MYO16: variants seen among roughly 807,000 people sequenced by gnomAD.
The protein encoded by MYO16 is unconventional myosin-XVI.
In MYO16, 94 loss-of-function variants were observed where a neutral mutation model predicts 205.3. The ratio of observed to expected loss-of-function variants is 0.46; its 90% confidence interval spans 0.39 to 0.54. The LOEUF is 0.54. Among genes scored for constraint, MYO16 ranks in the 20% least tolerant of loss-of-function variants. The probability of loss-of-function intolerance (pLI) is 0.00; values close to 1 mark genes in which losing one functional copy is unlikely to be tolerated. For synonymous variants in MYO16, 988 were observed against 954.0 expected, an observed-to-expected ratio of 1.04 and a Z score of -0.66; for missense variants, 2,315 against 2,387.5, an observed-to-expected ratio of 0.97 and a Z score of 0.63.
chr13:109,054,291 T>A (rs1238920963), intron 25 of MYO16: 1 of 403,228 alleles, frequency 2.5e-6, no homozygotes, highest in Non-Finnish European at 5.0e-6. Context: ...TAGAGTCTAC[T>A]ACCATTTTTT....
intron 4 of MYO16, among the ~76,000 whole-genome samples, chr13:108,782,082 G>A (rs1465052231): frequency 1.3e-5 from 2 of 152,192 alleles, no homozygotes; most frequent in Non-Finnish European, 2.9e-5. Context: ...AGCAACTTTG[G>A]AACTGGGTAA....
At chr13:109,093,907 C>T (rs1425252767) in intron 27 of MYO16, among the ~76,000 whole-genome samples, 1 of 152,148 alleles carries the variant, frequency 6.6e-6, no homozygotes, top group Admixed American at 6.5e-5. Context: ...TGGGCTGGAA[C>T]CTCACACCCA....
At chr13:108,604,261 A>G (rs1459396890) in intron 1 of MYO16, among the ~76,000 whole-genome samples, 3 of 152,182 alleles carry the variant, frequency 2.0e-5, no homozygotes, top group African/African-American at 7.2e-5. Flanking sequence ...AGACTGTATC[A>G]GTGCCTATAT....
chr13:109,175,387 A>C (rs1879122021), intron 33 of MYO16, among the ~76,000 whole-genome samples: 1 of 152,156 alleles, frequency 6.6e-6, no homozygotes, highest in African/African-American at 2.4e-5. Context: ...GGTTCTATGG[A>C]GTGTCCACAG....
the MYO16 span, among the ~76,000 whole-genome samples, chr13:108,584,111 G>A: frequency 4.0e-5 from 6 of 151,868 alleles, no homozygotes; most frequent in Non-Finnish European, 7.4e-5. Context: ...CCACCACCAC[G>A]CCCAGCTAAT....
intron 32 of MYO16, among the ~76,000 whole-genome samples, chr13:109,158,380 T>A (rs1878182516): frequency 6.6e-6 from 1 of 152,152 alleles, no homozygotes; most frequent in African/African-American, 2.4e-5. Flanking sequence ...TCGCCTTCCA[T>A]CCTACCTCCC....
chr13:109,033,003 A>G (rs918950966), intron 23 of MYO16, among the ~76,000 whole-genome samples: 1 of 152,154 alleles, frequency 6.6e-6, no homozygotes, highest in African/African-American at 2.4e-5. Flanking sequence ...AATCTTAGCT[A>G]GGTAAGAGTA....
At chr13:108,823,788 C>A (rs1190753611) in intron 9 of MYO16, among the ~76,000 whole-genome samples, 1 of 152,030 alleles carries the variant, frequency 6.6e-6, no homozygotes, top group Non-Finnish European at 1.5e-5. Context: ...CAAATAACAA[C>A]TTACATTCAA....
intron 6 of MYO16, among the ~76,000 whole-genome samples, chr13:108,802,437 G>A (rs1407914578): frequency 6.6e-6 from 1 of 152,084 alleles, no homozygotes; most frequent in East Asian, 1.9e-4. Context: ...TTTTTTAAGG[G>A]TGACTAGTAT....
At chr13:108,586,885 G>A in the MYO16 span, among the ~76,000 whole-genome samples, 16 of 152,170 alleles carry the variant, frequency 1.1e-4, no homozygotes, top group African/African-American at 3.6e-4. Flanking sequence ...ATTCTGAAAA[G>A]CGCCTATTTT....
At chr13:108,585,152 A>G in the MYO16 span, among the ~76,000 whole-genome samples, 3 of 152,314 alleles carry the variant, frequency 2.0e-5, no homozygotes, top group Admixed American at 6.5e-5. Flanking sequence ...TCTGAGCCAA[A>G]TACGAGTGAC....
At chr13:108,553,901 G>A in the MYO16 span, among the ~76,000 whole-genome samples, 1 of 152,130 alleles carries the variant, frequency 6.6e-6, no homozygotes, top group African/African-American at 2.4e-5. Flanking sequence ...TGCCCCAAGC[G>A]AGAAGAGAAA....
At chr13:108,641,763 G>A (rs1292664625) in intron 1 of MYO16, among the ~76,000 whole-genome samples, 5 of 152,144 alleles carry the variant, frequency 3.3e-5, no homozygotes, top group African/African-American at 1.2e-4. Flanking sequence ...TCCATTCTTA[G>A]GGAATCCTAA....
chr13:108,897,975 A>T, intron 14 of MYO16, 41 bp from the exon 15 acceptor site: 1 of 1,451,928 alleles, frequency 6.9e-7, no homozygotes, highest in Non-Finnish European at 9.7e-7. Context: ...TTTATTTCTT[A>T]AAATATGAGC....
chr13:109,101,210 T>C (rs1308433118), intron 28 of MYO16: 1 of 214,686 alleles, frequency 4.7e-6, no homozygotes. Context: ...ATAGCAGGAG[T>C]CAGAGGAGCC....
chr13:108,808,918 C>T (rs1192535508), intron 7 of MYO16, among the ~76,000 whole-genome samples: 1 of 152,098 alleles, frequency 6.6e-6, no homozygotes, highest in Non-Finnish European at 1.5e-5. Flanking sequence ...GAATCCTGTC[C>T]CTCAAAAGTC....
chr13:108,801,727 A>G (rs1429872090), intron 6 of MYO16, among the ~76,000 whole-genome samples: 2 of 152,192 alleles, frequency 1.3e-5, no homozygotes, highest in Non-Finnish European at 2.9e-5. Flanking sequence ...ACTCTGAGTT[A>G]TCATCTTCTC....
At chr13:108,560,581 C>A in the MYO16 span, among the ~76,000 whole-genome samples, 5 of 152,048 alleles carry the variant, frequency 3.3e-5, no homozygotes, top group Non-Finnish European at 5.9e-5. Context: ...ACTGATTTTT[C>A]CACTCATTTA....
intron 1 of MYO16, among the ~76,000 whole-genome samples, chr13:108,637,214 A>G (rs1001552476): frequency 6.6e-6 from 1 of 152,148 alleles, no homozygotes; most frequent in Non-Finnish European, 1.5e-5. Context: ...TGACCTAATG[A>G]TATATCTTTG....
Sources: allele counts gnomAD v4.1 joint callset (sites outside exome capture counted in the v4.1 genomes callset), GRCh38; gene constraint gnomAD v4.1.1; transcripts MANE v1.5; gene names NCBI Gene and HGNC (gene_info 2026-07-23, HGNC 2026-07-21).